USP1: variants seen among roughly 807,000 people sequenced by gnomAD.
USP1 encodes ubiquitin carboxyl-terminal hydrolase 1.
In USP1, 18 loss-of-function variants were observed where a neutral mutation model predicts 72.2. The observed-to-expected ratio is 0.25, with a 90% CI of 0.17 to 0.37. The LOEUF is 0.37. USP1 is among the 10% of genes least tolerant of loss of function. The pLI, the probability that USP1 is intolerant of heterozygous loss-of-function variation, is 1.00. For missense variants in USP1, 759 were observed against 884.9 expected (o/e 0.86, Z 1.81); for synonymous variants, 354 against 303.7 (o/e 1.17, Z -1.72).
chr1:62,439,510 T>C (rs1208941472), intron 1 of USP1, among the ~76,000 whole-genome samples: 3 of 152,224 alleles, frequency 2.0e-5, no homozygotes, highest in Non-Finnish European at 4.4e-5. Flanking sequence ...TTACTACTTA[T>C]ACTATTTTAC....
At position 62,444,993 on chromosome 1, in the gene USP1, A is replaced by G. The variant is rs1571135353; in HGVS notation, c.813A>G (p.Arg271=). 6.2e-7 allele frequency: 1 copy of G among 1,613,724 alleles called. No homozygotes were observed. The highest frequency in any genetic ancestry group is 2.2e-5 in the East Asian group (1 of 44,788). The stretch of plus-strand genomic sequence containing the variant: ...AACTCCCAAAAGGAAATGGGAAAAG[A>G]AAAAGTGACACTGAATTTGGTAACA... The part of the protein sequence containing the change: ...KEKLPKGNGK[R]KSDTEFGNMK... Residue 271 remains arginine (R), a synonymous_variant, in exon 6 of 9, where the codon AGA becomes AGG. Coordinates refer to ENST00000339950, the MANE Select transcript of USP1 (RefSeq NM_003368.5).
intron 4 of USP1, among the ~76,000 whole-genome samples, chr1:62,442,625 G>C (rs1356335638): frequency 1.3e-5 from 2 of 152,068 alleles, no homozygotes; most frequent in South Asian, 4.1e-4. Flanking sequence ...TTTAAATACA[G>C]TGTATTTAAA....
At position 62,443,163 on chromosome 1, in the gene USP1, A is replaced by G. The variant is rs1375495204; in HGVS notation, c.401A>G (p.Asn134Ser). Reference sequence around the variant, plus strand: ...TGTGTGTTTCTTTCTTGACAGGGAAATTGCAAAGAAGATTCTTTGGCAAGT... The same window carrying G: ...TGTGTGTTTCTTTCTTGACAGGGAAGTTGCAAAGAAGATTCTTTGGCAAGT... ...KDEANQKDKGNCKEDSLASYE... is the reference protein window; with the variant it reads ...KDEANQKDKGSCKEDSLASYE... The change falls in exon 5 of 9, where the codon AAT (asparagine) becomes AGT (serine). Residue 134 changes from asparagine (N) to serine (S), a missense_variant. This residue lies in a region of USP1 where 71 missense variants were observed against 71.0 expected (regional missense o/e 1.00). Coordinates refer to ENST00000339950, the MANE Select transcript of USP1 (RefSeq NM_003368.5). The G allele has an allele frequency of 6.2e-7, 1 of 1,607,602 alleles. No homozygotes were observed. The highest frequency in any genetic ancestry group is 1.1e-5 in the South Asian group (1 of 89,412).
In USP1 at chr1:62,444,876, G is replaced by A. The variant is rs1645159193; in HGVS notation, c.696G>A (p.Lys232=). 3 of 1,613,368 alleles carry A rather than the reference G, an allele frequency of 1.9e-6. No individual in the cohort carries two copies. Among genetic ancestry groups the A allele is most frequent in the Middle Eastern group, 1.6e-4 (1 of 6,078 alleles). ...EVKNVAELPT[K]VEEIPHPKEE... ...AAAATGTGGCAGAATTACCTACTAA[G>A]GTAGAAGAAATACCTCATCCGAAAG... Residue 232 remains lysine (K), a synonymous_variant, in exon 6 of 9, where the codon AAG becomes AAA. Coordinates refer to ENST00000339950, the MANE Select transcript of USP1 (RefSeq NM_003368.5).
In USP1 at chr1:62,451,537, C is replaced by T. The variant is rs76903430; in HGVS notation, c.*556C>T. The T allele has an allele frequency of 3.9e-5, 6 of 152,588 alleles. No homozygotes were observed. Among genetic ancestry groups the T allele is most frequent in the South Asian group, 2.1e-4 (1 of 4,830 alleles). The allele number at this position is 152,588 out of a possible 1,614,324, so 9.5% of individuals were successfully genotyped here. ...AGTGTCTCAGAAAACCTGGACAGTT[C>T]GCTTCTACACAAGAATTTTATATGT... On this transcript the variant is annotated 3_prime_UTR_variant, in exon 9 of 9. Coordinates refer to ENST00000339950, the MANE Select transcript of USP1 (RefSeq NM_003368.5).
chr1:62,447,990 G>A (rs933069286), intron 7 of USP1, among the ~76,000 whole-genome samples: 1 of 152,136 alleles, frequency 6.6e-6, no homozygotes, highest in East Asian at 1.9e-4. Context: ...GTTTCACCAT[G>A]TTAGCCAGGA....
intron 4 of USP1, among the ~76,000 whole-genome samples, chr1:62,442,785 T>C (rs571247077): frequency 1.3e-5 from 2 of 152,276 alleles, no homozygotes; most frequent in Non-Finnish European, 2.9e-5. Context: ...GGTGGATTGC[T>C]TGAGCGCAAG....
chr1:62,437,439 CG>C (rs1645098007), intron 1 of USP1, 39 bp downstream of exon 1: 1 of 351,020 alleles, frequency 2.8e-6, no homozygotes, highest in East Asian at 4.1e-5. Context: ...CTCCCGGGCG[CG>C]GGGGCAAGTT....
intron 6 of USP1, 41 bp from the exon 7 acceptor site, chr1:62,447,300 A>G: frequency 1.3e-6 from 2 of 1,552,340 alleles, no homozygotes; most frequent in Non-Finnish European, 1.7e-6. Flanking sequence ...ATAATGAGAA[A>G]CTAATCTGTA....
chr1:62,444,628 TAA>T, intron 5 of USP1, 108 bp from the exon 6 acceptor site: 2 of 932,554 alleles, frequency 2.1e-6, no homozygotes, highest in Admixed American at 3.6e-5. Context: ...TCTTGACATT[TAA>T]AAAATGAAAT....
At chr1:62,440,222 C>T (rs10493322) in intron 2 of USP1, among the ~76,000 whole-genome samples, 185 bp downstream of exon 2, 49,692 of 151,956 alleles carry the variant, frequency 0.33, 8,259 homozygotes, top group South Asian at 0.42. Context: ...GTAGGAATCA[C>T]ATCGATAATG....
intron 7 of USP1, 118 bp downstream of exon 7, chr1:62,447,629 CTAATG>C: frequency 7.7e-6 from 8 of 1,045,744 alleles, no homozygotes; most frequent in Admixed American, 5.9e-5. Context: ...CTTTTAGTGT[CTAATG>C]TAACCTTTCT....
chr1:62,450,285 T>A lies in USP1; in HGVS notation c.1662T>A (p.Thr554=), dbSNP rs1262761808. 1.9e-6 allele frequency: 3 copies of A among 1,613,910 alleles called. No individual in the cohort carries two copies. The highest frequency in any genetic ancestry group is 2.5e-6 in the Non-Finnish European group (3 of 1,179,934). The part of the protein sequence containing the change: ...CYGGGLSKIN[T]PLLTPLKLSL... ...GTGGTGGACTTTCCAAGATCAACAC[T>A]CCTTTATTGACACCTCTTAAATTGT... is the stretch of plus-strand genomic sequence containing the variant. Residue 554 remains threonine (T), a synonymous_variant, in exon 9 of 9, where the codon ACT becomes ACA. Transcript: ENST00000339950.
At chr1:62,441,804 A>G (rs1042177793) in intron 3 of USP1, among the ~76,000 whole-genome samples, 196 bp downstream of exon 3, 20 of 152,254 alleles carry the variant, frequency 1.3e-4, no homozygotes, top group African/African-American at 4.8e-4. Flanking sequence ...GATAGACTAA[A>G]TAAAGGTGGG....
intron 2 of USP1, 34 bp downstream of exon 2, chr1:62,440,071 C>G (rs1645121914): frequency 5.8e-6 from 8 of 1,390,268 alleles, no homozygotes; most frequent in Admixed American, 2.9e-5. Flanking sequence ...TTTAAAAATT[C>G]TACAGTAAAG....
At chr1:62,443,046 A>G (rs1035313389) in intron 4 of USP1, 113 bp from the exon 5 acceptor site, 4 of 1,097,952 alleles carry the variant, frequency 3.6e-6, no homozygotes, top group Admixed American at 2.6e-5. Flanking sequence ...CCTTAAAATT[A>G]GTGCTATTAT....
Position 62,437,303 on chromosome 1 carries a change from G to T in USP1, c.-167G>T. On this transcript the variant is annotated 5_prime_UTR_variant, in exon 1 of 9. Coordinates refer to ENST00000339950, the MANE Select transcript of USP1 (RefSeq NM_003368.5). Reference sequence around the variant, plus strand: ...CAGATTTTCCTGGGGCCGGGGACCCGGCGGGCTCGGGGCAGGGACTCACCT... The same window carrying T: ...CAGATTTTCCTGGGGCCGGGGACCCTGCGGGCTCGGGGCAGGGACTCACCT... 1 of 396,800 alleles carries T rather than the reference G, an allele frequency of 2.5e-6. No individual in the cohort carries two copies. The highest frequency in any genetic ancestry group is 1.4e-4 in the South Asian group (1 of 7,074). The allele number at this position is 396,800 out of a possible 1,614,324, so 24.6% of individuals were successfully genotyped here. A position where few individuals can be genotyped will look rare whatever the true frequency, so the allele number is the denominator to read the frequency against.
chr1:62,437,068 C>A lies in USP1; in HGVS notation c.-402C>A. ...ACTGAGGAAAACGCGCCAAGTTCCC[C>A]TCGGTGGCGGAGTGCTAAAGACCCT... On this transcript the variant is annotated 5_prime_UTR_variant, in exon 1 of 9. Coordinates refer to ENST00000339950, the MANE Select transcript of USP1 (RefSeq NM_003368.5). The A allele has an allele frequency of 2.5e-6, 1 of 398,854 alleles. No individual in the cohort carries two copies. The highest frequency in any genetic ancestry group is 4.4e-5 in the Admixed American group (1 of 22,736). The allele number at this position is 398,854 out of a possible 1,614,324, so 24.7% of individuals were successfully genotyped here. A position where few individuals can be genotyped will look rare whatever the true frequency, so the allele number is the denominator to read the frequency against.
intron 6 of USP1, among the ~76,000 whole-genome samples, chr1:62,446,285 A>G (rs1480829503): frequency 2.0e-5 from 3 of 152,118 alleles, no homozygotes; most frequent in Non-Finnish European, 4.4e-5. Flanking sequence ...CTTGGGCCAC[A>G]CTGGAAGAAG....
Sources: gnomAD v4.1 joint callset for allele counts (sites outside exome capture counted in the v4.1 genomes callset) on GRCh38, gnomAD v4.1.1 for gene constraint, gnomAD v4.1.1 regional missense constraint, MANE v1.5 for transcripts, NCBI Gene and HGNC (gene_info 2026-07-23, HGNC 2026-07-21) for gene names.